The following FMN1 variants were observed in gnomAD, a reference collection of about 807,000 sequenced individuals.
The protein encoded by FMN1 is formin-1.
Under a neutral mutation model 132.4 loss-of-function variants are expected in FMN1, and 110 were observed. The ratio of observed to expected loss-of-function variants is 0.83; its 90% CI spans 0.71 to 0.97. The LOEUF (loss-of-function observed/expected upper bound fraction) is 0.97. Ranked by LOEUF, FMN1 falls within the 50% of genes least tolerant of loss-of-function variation. The pLI, the probability that FMN1 is intolerant of heterozygous loss-of-function variation, is 0.00. For synonymous variants in FMN1, 722 were observed against 651.7 expected (o/e 1.11, Z -1.64); for missense variants, 1,792 against 1,705.3 (o/e 1.05, Z -0.90).
intron 17 of FMN1, among the ~76,000 whole-genome samples, chr15:32,849,926 G>A (rs2058969849): frequency 6.6e-6 from 1 of 152,152 alleles, no homozygotes; most frequent in South Asian, 2.1e-4. Flanking sequence ...CAAAGTGCAG[G>A]GATTACAGGC....
chr15:32,949,090 G>GT (rs2061569238), intron 9 of FMN1, among the ~76,000 whole-genome samples: 1 of 151,558 alleles, frequency 6.6e-6, no homozygotes, highest in African/African-American at 2.4e-5. Context: ...CAGTATTTTT[G>GT]TTTTTTGCTA....
intron 4 of FMN1, among the ~76,000 whole-genome samples, chr15:33,130,590 A>AT (rs1429525987): frequency 6.6e-6 from 1 of 152,184 alleles, no homozygotes; most frequent in Non-Finnish European, 1.5e-5. Flanking sequence ...ATATAAGGCA[A>AT]TTTTGTTAAT....
intron 4 of FMN1, among the ~76,000 whole-genome samples, chr15:33,095,267 G>T (rs12909898): frequency 0.017 from 2,628 of 152,210 alleles, 37 homozygotes; most frequent in Non-Finnish European, 0.024. Flanking sequence ...AGAATTGCTT[G>T]AACCCGGGAG....
Position 33,110,496 on chromosome 15 carries a change from C to T in FMN1, c.1868-21522G>A, listed in dbSNP as rs377476861. On this transcript the variant is annotated intron_variant, in intron 4 of 20. Transcript: ENST00000616417. The stretch of plus-strand genomic sequence containing the variant: ...ATCCTTATGAATCTTCTATATTTTT[C>T]TATAATGGCCATATAATAGTTTTGT... Among the ~76,000 whole-genome samples the T allele has an allele frequency of 3.3e-5, 5 of 151,702 alleles. No homozygotes were observed. In the East Asian group the frequency reaches 7.7e-4, roughly 23 times the overall value.
At chr15:33,188,950 G>A (rs2140358167) in intron 2 of FMN1, among the ~76,000 whole-genome samples, 1 of 152,042 alleles carries the variant, frequency 6.6e-6, no homozygotes, top group East Asian at 1.9e-4. Flanking sequence ...GAGAAAATTT[G>A]GGCATAAGAG....
intron 7 of FMN1, among the ~76,000 whole-genome samples, chr15:33,001,363 A>G (rs2034096211): frequency 6.6e-6 from 1 of 152,224 alleles, no homozygotes; most frequent in Admixed American, 6.5e-5. Flanking sequence ...GATTATTTAA[A>G]TGAATCAATT....
chr15:32,815,578 A>G (rs936320457), intron 17 of FMN1, among the ~76,000 whole-genome samples: 33 of 152,228 alleles, frequency 2.2e-4, no homozygotes, highest in African/African-American at 7.7e-4. Context: ...CCCTCATGCT[A>G]TAGTTTAAAA....
intron 5 of FMN1, among the ~76,000 whole-genome samples, chr15:33,075,461 G>T (rs2038172195): frequency 6.6e-6 from 1 of 152,178 alleles, no homozygotes; most frequent in African/African-American, 2.4e-5. Flanking sequence ...ATGCCACAAG[G>T]AAACTGAGCT....
intron 16 of FMN1, among the ~76,000 whole-genome samples, chr15:32,884,908 G>A (rs1414606867): frequency 6.6e-6 from 1 of 152,192 alleles, no homozygotes; most frequent in Non-Finnish European, 1.5e-5. Flanking sequence ...AGCAACACCG[G>A]CTGATTATAC....
intron 7 of FMN1, among the ~76,000 whole-genome samples, chr15:32,990,787 C>A (rs1435756843): frequency 6.6e-6 from 1 of 152,138 alleles, no homozygotes; most frequent in African/African-American, 2.4e-5. Context: ...GGGAAGCAAA[C>A]ATGTCCTTCT....
chr15:33,004,906 G>A (rs953300207), intron 7 of FMN1, among the ~76,000 whole-genome samples: 13 of 152,240 alleles, frequency 8.5e-5, no homozygotes, highest in Non-Finnish European at 1.8e-4. Context: ...GATGAAGCTG[G>A]AAACCATCAT....
chr15:33,085,524 T>G (rs530930270), intron 5 of FMN1, among the ~76,000 whole-genome samples: 2 of 150,104 alleles, frequency 1.3e-5, no homozygotes, highest in South Asian at 2.1e-4. Flanking sequence ...AATATATATA[T>G]CACATGTATT....
intron 9 of FMN1, 91 bp downstream of exon 9, chr15:32,964,016 T>TAC (rs374980152): frequency 0.19 from 94,140 of 504,042 alleles, 3,167 homozygotes; most frequent in Non-Finnish European, 0.21. Context: ...GTATATACGA[T>TAC]ACACACACAC....
intron 16 of FMN1, among the ~76,000 whole-genome samples, chr15:32,877,812 C>T (rs1355396637): frequency 6.6e-6 from 1 of 152,194 alleles, no homozygotes; most frequent in African/African-American, 2.4e-5. Context: ...TAATTTCTCA[C>T]TAATAGCAGA....
chr15:32,869,666 G>T (rs2059469810), intron 16 of FMN1, among the ~76,000 whole-genome samples: 1 of 152,156 alleles, frequency 6.6e-6, no homozygotes, highest in African/African-American at 2.4e-5. Context: ...GGTGTTGCAG[G>T]ACAAACCCTG....
chr15:33,166,279 C>T (rs1165700760), intron 3 of FMN1, among the ~76,000 whole-genome samples: 1 of 151,592 alleles, frequency 6.6e-6, no homozygotes, highest in African/African-American at 2.4e-5. Flanking sequence ...CCGTATGCTG[C>T]TGTTTCCACT....
At chr15:33,009,922 C>T (rs947265780) in intron 6 of FMN1, among the ~76,000 whole-genome samples, 2 of 151,966 alleles carry the variant, frequency 1.3e-5, no homozygotes, top group Admixed American at 6.5e-5. Context: ...GAGTTTCACT[C>T]GTTTCCCAGG....
chr15:32,995,957 C>A (rs1566804814), intron 7 of FMN1, among the ~76,000 whole-genome samples: 1 of 152,192 alleles, frequency 6.6e-6, no homozygotes, highest in Non-Finnish European at 1.5e-5. Flanking sequence ...TTAGATATAA[C>A]AGTAAATACA....
chr15:32,917,900 C>A (rs1028602002), intron 10 of FMN1, among the ~76,000 whole-genome samples: 1 of 152,204 alleles, frequency 6.6e-6, no homozygotes, highest in Non-Finnish European at 1.5e-5. Context: ...GAAGCACATA[C>A]AGCCCATGTT....
Sources: gnomAD v4.1 joint callset for allele counts (sites outside exome capture counted in the v4.1 genomes callset) on GRCh38, gnomAD v4.1.1 for gene constraint, MANE v1.5 for transcripts, NCBI Gene and HGNC (gene_info 2026-07-23, HGNC 2026-07-21) for gene names.